BTBD3: variants seen among roughly 807,000 people sequenced by gnomAD.
BTBD3 encodes the protein BTB/POZ domain-containing protein 3.
In BTBD3, 14 loss-of-function variants were observed where a neutral mutation model predicts 41.6. The observed-to-expected ratio is 0.34, with a 90% CI of 0.22 to 0.53. BTBD3 has a LOEUF of 0.53. Ranked by LOEUF, BTBD3 falls within the 20% of genes least tolerant of loss-of-function variation. BTBD3 has a pLI of 0.95. For synonymous variants in BTBD3, 249 were observed against 233.7 expected, an observed-to-expected ratio of 1.07 and a Z score of -0.60; for missense variants, 426 against 654.7, an observed-to-expected ratio of 0.65 and a Z score of 3.81.
At chr20:11,896,048 A>AATCTGGAAGGCTCGGAAGAAATTTG in intron 1 of BTBD3, among the ~76,000 whole-genome samples, 1 of 152,138 alleles carries the variant, frequency 6.6e-6, no homozygotes, top group East Asian at 1.9e-4. Context: ...TGTTAAATTT[A>AATCTGGAAGGCTCGGAAGAAATTTG]CCGTCTTAAT....
chr20:11,907,565 C>T (rs1374796330), intron 1 of BTBD3, among the ~76,000 whole-genome samples: 7 of 152,188 alleles, frequency 4.6e-5, no homozygotes, highest in African/African-American at 1.7e-4. Context: ...TCAGAGAAAG[C>T]ACACTTTAAT....
At position 11,918,060 on chromosome 20, in the gene BTBD3, T is replaced by C. The variant is rs1343042830; in HGVS notation, c.-216T>C. The C allele has an allele frequency of 1.5e-6, 2 of 1,296,304 alleles. No individual in the cohort carries two copies. The highest frequency in any genetic ancestry group is 3.0e-5 in the African/African-American group (2 of 66,258). The allele number at this position is 1,296,304 out of a possible 1,614,324, so 80.3% of individuals were successfully genotyped here. A position where few individuals can be genotyped will look rare whatever the true frequency, so the allele number is the denominator to read the frequency against. On this transcript the variant is annotated 5_prime_UTR_variant, in exon 1 of 4. Transcript: ENST00000378226. ...TATGAGCAAATAAGAGAAACAGGAA[T>C]CATGATGGGGATATATTTAACAGAC...
At chr20:11,894,070 G>C (rs1318320432) in intron 1 of BTBD3, among the ~76,000 whole-genome samples, 2 of 152,166 alleles carry the variant, frequency 1.3e-5, no homozygotes, top group African/African-American at 4.8e-5. Flanking sequence ...ATCCTAGCAC[G>C]GCCACTTCCT....
intron 1 of BTBD3, among the ~76,000 whole-genome samples, chr20:11,898,436 A>G (rs7260870): frequency 0.3 from 45,871 of 152,186 alleles, 7,975 homozygotes; most frequent in Admixed American, 0.39. Context: ...TACAATTGCA[A>G]TCTGCATCCT....
upstream of BTBD3, among the ~76,000 whole-genome samples, chr20:11,914,604 C>T (rs2056907254): frequency 6.6e-6 from 1 of 151,228 alleles, no homozygotes; most frequent in East Asian, 1.9e-4. Context: ...TGCACATGTA[C>T]ACTAAAACTT....
chr20:11,904,606 C>G (rs1238777297), intron 1 of BTBD3, among the ~76,000 whole-genome samples: 1 of 152,044 alleles, frequency 6.6e-6, no homozygotes. Flanking sequence ...TTCAAAAGCC[C>G]AGAAAACTTG....
intron 1 of BTBD3, among the ~76,000 whole-genome samples, chr20:11,906,857 G>T (rs1293301681): frequency 1.3e-5 from 2 of 152,198 alleles, no homozygotes; most frequent in African/African-American, 4.8e-5. Context: ...TGTGTCTAAT[G>T]TAGTGGAAAT....
intron 2 of BTBD3, 84 bp downstream of exon 2, chr20:11,919,260 G>A: frequency 7.1e-7 from 1 of 1,408,682 alleles, no homozygotes; most frequent in Non-Finnish European, 9.7e-7. Context: ...GGTGTGGGCA[G>A]CTTGCCGATG....
chr20:11,896,275 T>C (rs1371037133), intron 1 of BTBD3, among the ~76,000 whole-genome samples: 1 of 152,226 alleles, frequency 6.6e-6, no homozygotes, highest in African/African-American at 2.4e-5. Context: ...TTTGTTACTT[T>C]GTGATGGGCT....
intron 2 of BTBD3, 31 bp from the exon 3 acceptor site, chr20:11,919,687 T>G (rs1208237415): frequency 1.3e-6 from 2 of 1,587,836 alleles, no homozygotes; most frequent in Non-Finnish European, 8.6e-7. Flanking sequence ...TTCAATTTAG[T>G]GTATGAAATA....
intron 2 of BTBD3, 99 bp downstream of exon 2, chr20:11,919,275 G>T: frequency 5.1e-6 from 7 of 1,367,394 alleles, no homozygotes; most frequent in Non-Finnish European, 6.0e-6. Flanking sequence ...CCGATGTCAG[G>T]CAGTGCATGT....
chr20:11,918,796 A>C, intron 1 of BTBD3, 195 bp downstream of exon 1: 2 of 635,454 alleles, frequency 3.1e-6, no homozygotes, highest in Non-Finnish European at 2.6e-6. Flanking sequence ...ATGTTTTTGC[A>C]AGCTGTAACA....
Position 11,923,841 on chromosome 20 carries a change from T to G in BTBD3, c.*175T>G. On this transcript the variant is annotated 3_prime_UTR_variant, in exon 4 of 4. Transcript: ENST00000378226. This position sits in a 1 kb window ranked among gnomAD's most constrained non-coding sequence, Gnocchi z 5.3. ...ATTATGTACAGGCAAAAATGCAGCATTCCGCTTTTAACTATCTGCTTAAAA... is the reference window on the plus strand; with the variant it reads ...ATTATGTACAGGCAAAAATGCAGCAGTCCGCTTTTAACTATCTGCTTAAAA... The G allele has an allele frequency of 1.6e-6, 1 of 623,966 alleles. No homozygotes were observed. Among genetic ancestry groups the G allele is most frequent in the African/African-American group, 1.8e-5 (1 of 54,458 alleles). The allele number at this position is 623,966 out of a possible 1,614,324, so 38.7% of individuals were successfully genotyped here.
At chr20:11,920,798 A>G (rs905617133) in intron 3 of BTBD3, among the ~76,000 whole-genome samples, 1 of 152,246 alleles carries the variant, frequency 6.6e-6, no homozygotes, top group African/African-American at 2.4e-5. Context: ...TGGGTCAACA[A>G]GTTGGACAGT....
intron 2 of BTBD3, 190 bp downstream of exon 2, chr20:11,919,366 G>A (rs989717083): frequency 4.2e-6 from 6 of 1,412,738 alleles, no homozygotes; most frequent in Non-Finnish European, 4.6e-6. Flanking sequence ...CTTCTATACT[G>A]CTTTATATCT....
chr20:11,918,095 G>C lies in BTBD3; in HGVS notation c.-181G>C. 1 of 1,443,164 alleles carries C rather than the reference G, an allele frequency of 6.9e-7. No homozygotes were observed. Among genetic ancestry groups the C allele is most frequent in the Non-Finnish European group, 9.0e-7 (1 of 1,108,386 alleles). 89.4% of individuals were successfully genotyped at this position (1,443,164 alleles called of 1,614,324 possible). On this transcript the variant is annotated 5_prime_UTR_variant, in exon 1 of 4. Transcript: ENST00000378226. Reference sequence around the variant, plus strand: ...GATATATTTAACAGACCCAGTACTGGATAAAACTTAAAGCCAGTTTCTATT... The same window carrying C: ...GATATATTTAACAGACCCAGTACTGCATAAAACTTAAAGCCAGTTTCTATT...
upstream of BTBD3, among the ~76,000 whole-genome samples, chr20:11,916,212 T>C (rs1333694489): frequency 1.3e-5 from 2 of 152,332 alleles, no homozygotes; most frequent in East Asian, 3.9e-4. Context: ...ATGGGAGCTT[T>C]CCTGCAAGGA....
chr20:11,906,961 C>T (rs1056606139), intron 1 of BTBD3, among the ~76,000 whole-genome samples: 5 of 152,132 alleles, frequency 3.3e-5, no homozygotes, highest in Admixed American at 2.6e-4. Flanking sequence ...ATTCATGTGA[C>T]TGCTTTCCTC....
intron 1 of BTBD3, 38 bp from the exon 2 acceptor site, chr20:11,919,048 C>T (rs745954617): frequency 2.0e-6 from 3 of 1,487,222 alleles, no homozygotes; most frequent in Non-Finnish European, 2.8e-6. Flanking sequence ...GTTAAAAATG[C>T]AGGCTGCTGT....
Sources: gnomAD v4.1 joint callset for allele counts (sites outside exome capture counted in the v4.1 genomes callset) on GRCh38, gnomAD v4.1.1 for gene constraint, Gnocchi (gnomAD v3.1) non-coding constraint, MANE v1.5 for transcripts, NCBI Gene and HGNC (gene_info 2026-07-23, HGNC 2026-07-21) for gene names.